The following GRIA4 variants were observed in gnomAD, a reference collection of about 807,000 sequenced individuals.
GRIA4 encodes glutamate receptor 4.
A neutral mutation model predicts 104.0 loss-of-function variants in GRIA4; 34 were observed. The observed-to-expected ratio is 0.33, with a 90% CI of 0.25 to 0.44. The LOEUF is 0.44. Among genes scored for constraint, GRIA4 ranks in the 20% least tolerant of loss-of-function variants. The probability of loss-of-function intolerance (pLI) is 1.00; values close to 1 mark genes in which losing one functional copy is unlikely to be tolerated. For missense variants in GRIA4, 750 were observed against 1,096.5 expected (o/e 0.68, Z 4.46); for synonymous variants, 386 against 381.9 (o/e 1.01, Z -0.13).
intron 4 of GRIA4, among the ~76,000 whole-genome samples, chr11:105,806,419 T>C (rs1942955016): frequency 6.6e-6 from 1 of 151,852 alleles, no homozygotes. Flanking sequence ...ACCAGTTTCC[T>C]TGAAAAGAAG....
chr11:105,840,955 A>C (rs1386429981), intron 4 of GRIA4, among the ~76,000 whole-genome samples: 1 of 152,150 alleles, frequency 6.6e-6, no homozygotes, highest in Non-Finnish European at 1.5e-5. Flanking sequence ...CTTACCTTCC[A>C]TGACTTAGGG....
chr11:105,874,468 G>C (rs1451066216), intron 5 of GRIA4, among the ~76,000 whole-genome samples: 1 of 152,150 alleles, frequency 6.6e-6, no homozygotes, highest in African/African-American at 2.4e-5. Context: ...GTCAGTGGTA[G>C]CTTGATGGAG....
At chr11:105,675,986 C>A (rs1952523594) in intron 3 of GRIA4, among the ~76,000 whole-genome samples, 1 of 151,740 alleles carries the variant, frequency 6.6e-6, no homozygotes, top group South Asian at 2.1e-4. Context: ...TCAATCCTTT[C>A]ATGTTAGCCT....
intron 3 of GRIA4, among the ~76,000 whole-genome samples, chr11:105,621,354 T>C (rs2135273134): frequency 6.6e-6 from 1 of 151,556 alleles, no homozygotes; most frequent in Non-Finnish European, 1.5e-5. Flanking sequence ...CTAATCAGAC[T>C]AAACAGTTTG....
intron 4 of GRIA4, among the ~76,000 whole-genome samples, chr11:105,775,165 T>G (rs1324044984): frequency 6.6e-6 from 1 of 152,088 alleles, no homozygotes; most frequent in East Asian, 1.9e-4. Context: ...TTCACATGCC[T>G]TCTCCTCTTG....
chr11:105,959,089 T>G (rs1386102024), intron 14 of GRIA4, among the ~76,000 whole-genome samples: 1 of 152,146 alleles, frequency 6.6e-6, no homozygotes, highest in African/African-American at 2.4e-5. Context: ...TTATGTGTCT[T>G]GGGGTTGATC....
rs937522288 is a variant in GRIA4, at chr11:105,760,063, C to T, written c.487+6843C>T. Among the ~76,000 whole-genome samples the T allele has an allele frequency of 6.6e-5, 10 of 152,224 alleles. No homozygotes were observed. In the East Asian group the frequency reaches 1.9e-3, roughly 29 times the overall value. On this transcript the variant is annotated intron_variant, in intron 4 of 16. Transcript: ENST00000282499. ...TTTAGAACTCATTCCTCTCCCCGAG[C>T]CAGACTCATTTACGTAGTAACTATT...
chr11:105,721,604 C>T (rs1232368774), intron 3 of GRIA4, among the ~76,000 whole-genome samples: 1 of 152,148 alleles, frequency 6.6e-6, no homozygotes, highest in African/African-American at 2.4e-5. Context: ...AAGAGAGATT[C>T]CTGCCAAAGA....
At chr11:105,746,148 T>C (rs1031198734) in intron 3 of GRIA4, among the ~76,000 whole-genome samples, 8 of 151,754 alleles carry the variant, frequency 5.3e-5, no homozygotes, top group African/African-American at 1.5e-4. Context: ...GTATTGTAGG[T>C]AGGAAAAAAG....
chr11:105,717,045 G>A (rs1006185848), intron 3 of GRIA4, among the ~76,000 whole-genome samples: 3 of 151,950 alleles, frequency 2.0e-5, no homozygotes, highest in Non-Finnish European at 2.9e-5. Context: ...AAAGTCCTCC[G>A]TGATAACTTA....
In GRIA4 at chr11:105,639,759, T is replaced by C. The variant is rs149982695; in HGVS notation, c.247+27325T>C. Among the ~76,000 whole-genome samples the C allele has an allele frequency of 4.8e-3, 724 of 152,084 alleles. 6 individuals are homozygous for C. In the Middle Eastern group the frequency reaches 0.054, roughly 11 times the overall value. On this transcript the variant is annotated intron_variant, in intron 3 of 16. Transcript: ENST00000282499. ...GATGCAGTTTCAACACAGCTGAAATTATTGATCTGTATCTTTTTAGTTAGT... is the reference window on the plus strand; with the variant it reads ...GATGCAGTTTCAACACAGCTGAAATCATTGATCTGTATCTTTTTAGTTAGT...
chr11:105,897,124 C>CATCATTAGTAAACAGAGATAATTTGA (rs1946678711), intron 6 of GRIA4, among the ~76,000 whole-genome samples: 1 of 152,018 alleles, frequency 6.6e-6, no homozygotes, highest in Non-Finnish European at 1.5e-5. Context: ...AGGTCTCTAA[C>CATCATTAGTAAACAGAGATAATTTGA]CTTCTTGGTT....
intron 3 of GRIA4, among the ~76,000 whole-genome samples, chr11:105,642,710 C>T (rs959367703): frequency 6.6e-6 from 1 of 152,106 alleles, no homozygotes; most frequent in Non-Finnish European, 1.5e-5. Flanking sequence ...AATAAGTTTG[C>T]TTGATATTGT....
rs1943537702 is a variant in GRIA4 at position 105,820,486 on chromosome 11, G to C, written c.488-41538G>C. ...TTATTTGTCGGCTCCCCCATGCCAG[G>C]CATCTCACTGGGCAGTTTTCATATG... On this transcript the variant is annotated intron_variant, in intron 4 of 16. Coordinates refer to ENST00000282499, the MANE Select transcript of GRIA4 (RefSeq NM_000829.4). Among the ~76,000 whole-genome samples the C allele has an allele frequency of 3.3e-5, 5 of 151,998 alleles. No individual in the cohort carries two copies. In the South Asian group the frequency reaches 1.0e-3, roughly 32 times the overall value.
chr11:105,700,707 G>T (rs1953457575), intron 3 of GRIA4, among the ~76,000 whole-genome samples: 1 of 151,974 alleles, frequency 6.6e-6, no homozygotes, highest in African/African-American at 2.4e-5. Flanking sequence ...GCCAAGTCAG[G>T]TCTACTTTGA....
chr11:105,974,942 C>T (rs2136290802), intron 16 of GRIA4: 1 of 174,606 alleles, frequency 5.7e-6, no homozygotes, highest in East Asian at 1.4e-4. Context: ...AAAATCTGTT[C>T]CAAGTGATCA....
chr11:105,870,975 A>AT (rs995677031), intron 5 of GRIA4, among the ~76,000 whole-genome samples: 1 of 152,020 alleles, frequency 6.6e-6, no homozygotes, highest in Non-Finnish European at 1.5e-5. Context: ...TGTAGACTAT[A>AT]TTTTTTATAG....
intron 3 of GRIA4, among the ~76,000 whole-genome samples, chr11:105,670,690 T>C (rs1045882955): frequency 3.3e-5 from 5 of 152,178 alleles, no homozygotes; most frequent in Non-Finnish European, 5.9e-5. Context: ...TAGGGTATCA[T>C]GTCAGCTAAC....
At chr11:105,631,314 G>A (rs1173129299) in intron 3 of GRIA4, among the ~76,000 whole-genome samples, 4 of 152,106 alleles carry the variant, frequency 2.6e-5, no homozygotes, top group Admixed American at 1.3e-4. Flanking sequence ...ATGAGCCAGA[G>A]GATAGCTTAA....
Sources: allele counts gnomAD v4.1 joint callset (sites outside exome capture counted in the v4.1 genomes callset), GRCh38; gene constraint gnomAD v4.1.1; transcripts MANE v1.5; gene names NCBI Gene and HGNC (gene_info 2026-07-23, HGNC 2026-07-21).